Variants in BLTP3B observed in about 807,000 individuals in gnomAD.
BLTP3B encodes the protein UHRF1 (ICBP90) binding protein 1-like.
the BLTP3B span, chr12:100,108,254 T>C: frequency 1.0e-6 from 1 of 994,224 alleles, no homozygotes; most frequent in Non-Finnish European, 1.4e-6. Flanking sequence ...ATCTTTCTTT[T>C]GAAATTATAT....
the BLTP3B span, chr12:100,084,543 C>T: frequency 6.2e-7 from 1 of 1,614,040 alleles, no homozygotes; most frequent in South Asian, 1.1e-5. Flanking sequence ...TATGATCCTT[C>T]ACAGCCTGTT....
chr12:100,101,460 A>C, the BLTP3B span, among the ~76,000 whole-genome samples: 1 of 152,188 alleles, frequency 6.6e-6, no homozygotes, highest in Non-Finnish European at 1.5e-5. Context: ...AGAATACTAT[A>C]CATGTTCAGA....
the BLTP3B span, chr12:100,047,974 A>G: frequency 6.5e-7 from 1 of 1,544,554 alleles, no homozygotes; most frequent in Non-Finnish European, 8.7e-7. Flanking sequence ...AGAAACTTGT[A>G]TCTTCATTGG....
chr12:100,123,751 CTTT>C, the BLTP3B span, among the ~76,000 whole-genome samples: 8 of 144,912 alleles, frequency 5.5e-5, no homozygotes, highest in African/African-American at 2.0e-4. Flanking sequence ...TTTAAACTGC[CTTT>C]TTTTTTTTAA....
chr12:100,037,529 T>C, the BLTP3B span: 5 of 1,545,512 alleles, frequency 3.2e-6, no homozygotes, highest in African/African-American at 5.6e-5. Flanking sequence ...TTTTGTTTTA[T>C]TGTCTTTTCA....
chr12:100,061,656 CAAAAAA>C, the BLTP3B span, among the ~76,000 whole-genome samples: 1 of 67,312 alleles, frequency 1.5e-5, no homozygotes, highest in African/African-American at 5.2e-5. Flanking sequence ...GACTCCGTCT[CAAAAAA>C]AAAAAAAAAA....
chr12:100,044,442 T>C, the BLTP3B span, among the ~76,000 whole-genome samples: 1 of 152,214 alleles, frequency 6.6e-6, no homozygotes, highest in South Asian at 2.1e-4. Context: ...GCACATGTCA[T>C]TCCCTCAACT....
At chr12:100,083,486 G>A in the BLTP3B span, among the ~76,000 whole-genome samples, 1 of 152,116 alleles carries the variant, frequency 6.6e-6, no homozygotes, top group Non-Finnish European at 1.5e-5. Context: ...GGTATAGCTA[G>A]ATAGGAGAAG....
At chr12:100,099,721 T>A in the BLTP3B span, among the ~76,000 whole-genome samples, 1 of 151,668 alleles carries the variant, frequency 6.6e-6, no homozygotes, top group Non-Finnish European at 1.5e-5. Context: ...CACTCTAGCC[T>A]GGGCAACAGG....
the BLTP3B span, among the ~76,000 whole-genome samples, chr12:100,068,290 A>G: frequency 6.6e-6 from 1 of 152,196 alleles, no homozygotes. Flanking sequence ...TAACTGGCTA[A>G]CCATATGTGG....
chr12:100,111,763 G>A, the BLTP3B span, among the ~76,000 whole-genome samples: 4 of 151,762 alleles, frequency 2.6e-5, no homozygotes, highest in South Asian at 4.2e-4. Flanking sequence ...GCACCACCAC[G>A]CCCAGCTAAT....
the BLTP3B span, among the ~76,000 whole-genome samples, chr12:100,126,019 A>G: frequency 6.6e-6 from 1 of 152,140 alleles, no homozygotes; most frequent in Non-Finnish European, 1.5e-5. Context: ...TAATCCCAAC[A>G]CTTTGGGAGG....
chr12:100,089,823 G>T, the BLTP3B span, among the ~76,000 whole-genome samples: 1 of 152,124 alleles, frequency 6.6e-6, no homozygotes, highest in Non-Finnish European at 1.5e-5. Flanking sequence ...ATCTCATCTT[G>T]AATGGTAGTC....
At chr12:100,128,817 G>A in the BLTP3B span, 1 of 1,086,712 alleles carries the variant, frequency 9.2e-7, no homozygotes, top group African/African-American at 1.7e-5. Flanking sequence ...TTTAGCTGTG[G>A]TGCCCTTTGG....
At chr12:100,098,374 A>T in the BLTP3B span, 2 of 1,608,138 alleles carry the variant, frequency 1.2e-6, no homozygotes, top group Non-Finnish European at 1.7e-6. Flanking sequence ...TGGATCCTGA[A>T]TACGAGTAAA....
chr12:100,062,204 G>A, the BLTP3B span, among the ~76,000 whole-genome samples: 1 of 152,214 alleles, frequency 6.6e-6, no homozygotes, highest in African/African-American at 2.4e-5. Flanking sequence ...AAGCTGCATA[G>A]TCTGTGGTAT....
chr12:100,121,265 A>T, the BLTP3B span, among the ~76,000 whole-genome samples: 1 of 151,012 alleles, frequency 6.6e-6, no homozygotes, highest in Non-Finnish European at 1.5e-5. Context: ...CAGGAAAATT[A>T]CTTGAACCTG....
At chr12:100,074,442 T>C in the BLTP3B span, among the ~76,000 whole-genome samples, 2 of 151,738 alleles carry the variant, frequency 1.3e-5, no homozygotes, top group African/African-American at 4.8e-5. Context: ...CTACCAAAAA[T>C]ACAAAAATCA....
the BLTP3B span, among the ~76,000 whole-genome samples, chr12:100,117,397 C>T: frequency 6.6e-6 from 1 of 152,146 alleles, no homozygotes; most frequent in African/African-American, 2.4e-5. Flanking sequence ...CCAAAAACCC[C>T]TAATGCCAAT....
Sources: allele counts gnomAD v4.1 joint callset (sites outside exome capture counted in the v4.1 genomes callset), GRCh38; gene constraint gnomAD v4.1.1; transcripts MANE v1.5; gene names NCBI Gene and HGNC (gene_info 2026-07-23, HGNC 2026-07-21).